The following XRCC4 variants were observed in gnomAD, a reference collection of about 807,000 sequenced individuals.
The protein encoded by XRCC4 is X-ray repair cross complementing 4.
In XRCC4, 28 loss-of-function variants were observed where a neutral mutation model predicts 39.1. The ratio of observed to expected loss-of-function variants is 0.72; its 90% CI spans 0.53 to 0.98. The LOEUF (loss-of-function observed/expected upper bound fraction) is 0.98. XRCC4 is among the 50% of genes least tolerant of loss of function. The pLI, the probability that XRCC4 is intolerant of heterozygous loss-of-function variation, is 0.00. For missense variants in XRCC4, 350 were observed against 376.4 expected (o/e 0.93, Z 0.58); for synonymous variants, 123 against 126.4 (o/e 0.97, Z 0.18).
chr5:83,226,710 A>T (rs987099172), intron 6 of XRCC4, among the ~76,000 whole-genome samples: 1 of 152,106 alleles, frequency 6.6e-6, no homozygotes, highest in Non-Finnish European at 1.5e-5. Flanking sequence ...AGCTTTTTCT[A>T]TTCATTAAAT....
At chr5:83,141,738 G>C (rs911651149) in intron 3 of XRCC4, among the ~76,000 whole-genome samples, 1 of 151,114 alleles carries the variant, frequency 6.6e-6, no homozygotes, top group Admixed American at 6.6e-5. Context: ...TACTTATTTT[G>C]AAGTGTTCCA....
rs750567916 is a variant in XRCC4 at position 83,198,597 on chromosome 5, G to A, written c.482+2661G>A. 1.1e-4 allele frequency among the ~76,000 whole-genome samples: 17 copies of A among 152,104 alleles called. 1 individual carries two copies. The highest frequency in any genetic ancestry group is 6.6e-5 in the Admixed American group (1 of 15,258). ...CTACATTTTCCTTTAATTTTGGGGA[G>A]TATTTTTTGTATATGTTTTAGTATT... On this transcript the variant is annotated intron_variant, in intron 4 of 7. Coordinates refer to ENST00000396027, the MANE Select transcript of XRCC4 (RefSeq NM_003401.5).
rs147807491 is a variant in XRCC4, at chr5:83,287,054, G to A, written c.893+28377G>A. Among the ~76,000 whole-genome samples the A allele has an allele frequency of 1.8e-3, 272 of 152,168 alleles. 2 individuals are homozygous for A. Among genetic ancestry groups the A allele is most frequent in the Middle Eastern group, 3.4e-3 (1 of 294 alleles). On this transcript the variant is annotated intron_variant, in intron 7 of 7. Coordinates refer to ENST00000396027, the MANE Select transcript of XRCC4 (RefSeq NM_003401.5). ...CTGTGAAGGATTAAGATTCGTGTAT[G>A]TTGTGTATCTAGGATTTGTTAGGCA...
downstream of XRCC4, among the ~76,000 whole-genome samples, chr5:83,356,220 A>T (rs1757188645): frequency 6.6e-6 from 1 of 152,106 alleles, no homozygotes; most frequent in African/African-American, 2.4e-5. Context: ...TTCCAAAGTG[A>T]TTTTGTATGT....
chr5:83,261,530 A>C (rs1010763103), intron 7 of XRCC4, among the ~76,000 whole-genome samples: 1 of 151,850 alleles, frequency 6.6e-6, no homozygotes, highest in African/African-American at 2.4e-5. Flanking sequence ...TGATTCCACT[A>C]TTTAGCTTCT....
At chr5:83,363,451 T>C in the XRCC4 span, among the ~76,000 whole-genome samples, 1 of 152,182 alleles carries the variant, frequency 6.6e-6, no homozygotes, top group Non-Finnish European at 1.5e-5. Flanking sequence ...TTTGTGCTTT[T>C]GAAAGGGAGG....
chr5:83,258,426 AT>A lies in XRCC4; in HGVS notation c.746-103del. ...AAAGATTTGAAAGAATAGTTTTGCT[AT>A]ATTTTAATTGTCACCTTATGTCAAT... is the stretch of plus-strand genomic sequence containing the variant. On this transcript the variant is annotated intron_variant, in intron 6 of 7. Transcript: ENST00000396027. 3.0e-6 allele frequency: 4 copies of A among 1,348,372 alleles called. No homozygotes were observed. The East Asian group carries it at 9.6e-5, about 32-fold the overall frequency. The allele number at this position is 1,348,372 out of a possible 1,614,324, so 83.5% of individuals were successfully genotyped here.
chr5:83,279,347 TA>T (rs896338564), intron 7 of XRCC4, among the ~76,000 whole-genome samples: 2 of 151,892 alleles, frequency 1.3e-5, no homozygotes, highest in African/African-American at 4.8e-5. Flanking sequence ...ATAATAAAAA[TA>T]AAAATAAAAA....
chr5:83,083,772 TGCCTC>T (rs1179609427), intron 1 of XRCC4, among the ~76,000 whole-genome samples: 9 of 152,186 alleles, frequency 5.9e-5, no homozygotes, highest in Admixed American at 5.9e-4. Flanking sequence ...TGCTATTTCT[TGCCTC>T]CAAGTTTTTA....
chr5:83,270,016 C>A (rs374257047), intron 7 of XRCC4, among the ~76,000 whole-genome samples: 1 of 65,930 alleles, frequency 1.5e-5, no homozygotes, highest in East Asian at 4.8e-3. Flanking sequence ...GTTTTCCTCA[C>A]CTCACAAATG....
intron 4 of XRCC4, among the ~76,000 whole-genome samples, chr5:83,203,315 G>T (rs903818683): frequency 4.6e-5 from 7 of 151,828 alleles, no homozygotes; most frequent in African/African-American, 7.3e-5. Context: ...TTTTCTAAAG[G>T]CTTATTTGTA....
At chr5:83,290,647 G>T (rs563274813) in intron 7 of XRCC4, among the ~76,000 whole-genome samples, 38 of 151,750 alleles carry the variant, frequency 2.5e-4, no homozygotes, top group Non-Finnish European at 5.5e-4. Flanking sequence ...TTTTCATTCT[G>T]ACTTCTTGTT....
chr5:83,302,606 G>A (rs529250791), intron 7 of XRCC4, among the ~76,000 whole-genome samples: 1 of 152,314 alleles, frequency 6.6e-6, no homozygotes, highest in South Asian at 2.1e-4. Context: ...GGTCTCAATG[G>A]AAGCTGCAGA....
intron 1 of XRCC4, among the ~76,000 whole-genome samples, chr5:83,085,516 T>C (rs1470402493): frequency 1.3e-5 from 2 of 152,166 alleles, no homozygotes; most frequent in African/African-American, 2.4e-5. Context: ...TTGTATGATA[T>C]AGTATACTAA....
intron 7 of XRCC4, chr5:83,280,476 G>A: frequency 1.2e-6 from 1 of 815,942 alleles, no homozygotes; most frequent in Non-Finnish European, 2.0e-6. Flanking sequence ...GCAAAATTGA[G>A]GTATGTAGTA....
chr5:83,104,607 C>T (rs7721628), intron 1 of XRCC4, among the ~76,000 whole-genome samples: 1,832 of 152,172 alleles, frequency 0.012, 34 homozygotes, highest in African/African-American at 0.041. Context: ...TGTGAGACAC[C>T]GCGCCCAGCT....
intron 6 of XRCC4, among the ~76,000 whole-genome samples, chr5:83,246,584 G>A (rs943573576): frequency 3.3e-5 from 5 of 151,946 alleles, no homozygotes; most frequent in African/African-American, 9.7e-5. Flanking sequence ...CATCTAATAC[G>A]TACCAAGCAA....
chr5:83,273,634 T>C (rs1225167809), intron 7 of XRCC4, among the ~76,000 whole-genome samples: 2 of 152,200 alleles, frequency 1.3e-5, no homozygotes, highest in East Asian at 3.8e-4. Flanking sequence ...TTTCTGCATA[T>C]GGCTACCCAG....
chr5:83,143,273 C>G (rs1384175582), intron 3 of XRCC4, among the ~76,000 whole-genome samples: 1 of 152,006 alleles, frequency 6.6e-6, no homozygotes, highest in Non-Finnish European at 1.5e-5. Flanking sequence ...ATAGTAAGGT[C>G]TATTACATTT....
Sources: gnomAD v4.1 joint callset for allele counts (sites outside exome capture counted in the v4.1 genomes callset) on GRCh38, gnomAD v4.1.1 for gene constraint, MANE v1.5 for transcripts, NCBI Gene and HGNC (gene_info 2026-07-23, HGNC 2026-07-21) for gene names.